SIK3: variants seen among roughly 807,000 people sequenced by gnomAD.
SIK3 encodes the protein serine/threonine-protein kinase SIK3.
Under a neutral mutation model 144.2 loss-of-function variants are expected in SIK3, and 28 were observed. That is an observed-to-expected ratio of 0.19 (90% confidence interval 0.14 to 0.27). The LOEUF is 0.27. Among genes scored for constraint, SIK3 ranks in the 10% least tolerant of loss-of-function variants. The probability of loss-of-function intolerance (pLI) is 1.00; values close to 1 mark genes in which losing one functional copy is unlikely to be tolerated. For missense variants in SIK3, 1,319 were observed against 1,776.0 expected, an observed-to-expected ratio of 0.74 and a Z score of 4.62; for synonymous variants, 686 against 676.3, an observed-to-expected ratio of 1.01 and a Z score of -0.22.
chr11:116,990,236 A>G (rs927633765), intron 1 of SIK3, among the ~76,000 whole-genome samples: 1 of 152,236 alleles, frequency 6.6e-6, no homozygotes, highest in African/African-American at 2.4e-5. Flanking sequence ...GCAAGTCTGC[A>G]CTAAGTCTAC....
At chr11:116,848,925 T>C (rs1282776480) in intron 22 of SIK3, among the ~76,000 whole-genome samples, 195 bp downstream of exon 22, 2 of 152,180 alleles carry the variant, frequency 1.3e-5, no homozygotes, top group African/African-American at 2.4e-5. Context: ...ATCGCGCCAC[T>C]GTCCTCCCGC....
intron 2 of SIK3, 69 bp downstream of exon 2, chr11:116,956,874 ATTTCT>A: frequency 1.1e-6 from 1 of 880,210 alleles, no homozygotes; most frequent in Middle Eastern, 2.4e-4. Context: ...ACCCACCCAC[ATTTCT>A]TCAAAGGGAG....
chr11:117,093,333 C>T (rs116022874), intron 1 of SIK3, among the ~76,000 whole-genome samples: 1,525 of 152,224 alleles, frequency 0.01, 27 homozygotes, highest in African/African-American at 0.036. Context: ...TGCACTAAAC[C>T]ACACCGATGT....
intron 1 of SIK3, among the ~76,000 whole-genome samples, chr11:117,000,096 T>C (rs1175757144): frequency 2.6e-5 from 4 of 152,186 alleles, no homozygotes; most frequent in African/African-American, 9.7e-5. Flanking sequence ...ATAGTTATAA[T>C]TTTTTTCATT....
Position 116,996,819 on chromosome 11 carries a change from CAAAAAAAA to C in SIK3, c.274-39763_274-39756del, listed in dbSNP as rs11329513. ...TGGGCGCCAGAGGGAGACTCTCTCT[CAAAAAAAA>C]AAAAAAAAAAAAAAAAAAAAGACAT... On this transcript the variant is annotated intron_variant, in intron 1 of 24. Coordinates refer to ENST00000445177, the MANE Select transcript of SIK3 (RefSeq NM_001366686.3). Among the ~76,000 whole-genome samples, 43 of 58,404 alleles carry C rather than the reference CAAAAAAAA, an allele frequency of 7.4e-4. 1 individual carries two copies. Among genetic ancestry groups the C allele is most frequent in the Non-Finnish European group, 8.9e-4 (28 of 31,478 alleles). The allele number at this position is 58,404 out of a possible 152,430, so 38.3% of individuals were successfully genotyped here. A position where few individuals can be genotyped will look rare whatever the true frequency, so the allele number is the denominator to read the frequency against.
rs138085837 is a variant in SIK3, at chr11:116,902,055, A to T, written c.617-4738T>A. On this transcript the variant is annotated intron_variant, in intron 4 of 24. Coordinates refer to ENST00000445177, the MANE Select transcript of SIK3 (RefSeq NM_001366686.3). ...CTTCACCAGGTCCTTTTCCATGATC[A>T]GCCTTCCTCTTCTCTCCAGTGCAGA... Among the ~76,000 whole-genome samples the T allele has an allele frequency of 2.0e-5, 3 of 152,342 alleles. No individual in the cohort carries two copies. In the East Asian group the frequency reaches 5.8e-4, roughly 29 times the overall value.
intron 3 of SIK3, among the ~76,000 whole-genome samples, chr11:116,938,923 T>A (rs1283549580): frequency 6.6e-6 from 1 of 152,166 alleles, no homozygotes; most frequent in Non-Finnish European, 1.5e-5. Context: ...ATAATTATGT[T>A]ACAAAATAGA....
intron 1 of SIK3, among the ~76,000 whole-genome samples, chr11:116,983,566 G>A (rs1376740450): frequency 1.3e-5 from 2 of 152,024 alleles, no homozygotes; most frequent in African/African-American, 4.8e-5. Flanking sequence ...GAATACATCT[G>A]TATTTTAATA....
chr11:117,075,708 A>T (rs1412390530), intron 1 of SIK3, among the ~76,000 whole-genome samples: 2 of 146,938 alleles, frequency 1.4e-5, no homozygotes, highest in Non-Finnish European at 1.5e-5. Flanking sequence ...CACCTGGCTA[A>T]TTTTTTTTTT....
At chr11:117,049,961 TAA>T (rs57279331) in intron 1 of SIK3, among the ~76,000 whole-genome samples, 3 of 149,220 alleles carry the variant, frequency 2.0e-5, no homozygotes, top group African/African-American at 7.4e-5. Flanking sequence ...ACCTGTCTCT[TAA>T]AAAAAAAATA....
intron 4 of SIK3, among the ~76,000 whole-genome samples, chr11:116,903,706 T>G (rs1182011907): frequency 6.6e-6 from 1 of 152,176 alleles, no homozygotes; most frequent in East Asian, 1.9e-4. Context: ...CTCAGCCTCC[T>G]AAGTAGCTGG....
intron 4 of SIK3, among the ~76,000 whole-genome samples, chr11:116,898,959 G>C (rs1945587836): frequency 1.4e-5 from 2 of 144,234 alleles, no homozygotes; most frequent in Non-Finnish European, 1.5e-5. Flanking sequence ...TTGCTGTGCA[G>C]AAGCTCTTTA....
chr11:117,012,438 A>C (rs1383220007), intron 1 of SIK3, among the ~76,000 whole-genome samples: 1 of 152,182 alleles, frequency 6.6e-6, no homozygotes, highest in Non-Finnish European at 1.5e-5. Flanking sequence ...AACTTTTCCA[A>C]AGCTGTATTT....
intron 19 of SIK3, 112 bp downstream of exon 19, chr11:116,861,162 T>C (rs1294968600): frequency 2.3e-6 from 2 of 863,354 alleles, no homozygotes; most frequent in Middle Eastern, 2.4e-4. Context: ...TCCATACCCC[T>C]GAATACTATG....
At chr11:116,999,750 C>T (rs1187996701) in intron 1 of SIK3, among the ~76,000 whole-genome samples, 1 of 152,120 alleles carries the variant, frequency 6.6e-6, no homozygotes, top group Non-Finnish European at 1.5e-5. Flanking sequence ...TCTCCCTCTT[C>T]TAAACAACAT....
chr11:116,919,123 T>G (rs931089019), intron 4 of SIK3, among the ~76,000 whole-genome samples: 42 of 152,314 alleles, frequency 2.8e-4, no homozygotes, highest in Admixed American at 2.4e-3. Flanking sequence ...ATTGATATAA[T>G]GAGTATTGCA....
At chr11:116,995,645 C>T (rs1033786992) in intron 1 of SIK3, among the ~76,000 whole-genome samples, 18 of 152,104 alleles carry the variant, frequency 1.2e-4, no homozygotes, top group African/African-American at 3.6e-4. Context: ...ATATTCTAAT[C>T]GTCTAGTGAT....
At chr11:116,914,678 G>C (rs902047901) in intron 4 of SIK3, among the ~76,000 whole-genome samples, 1 of 152,200 alleles carries the variant, frequency 6.6e-6, no homozygotes, top group South Asian at 2.1e-4. Flanking sequence ...AAAAGTTCCA[G>C]AGGGGCAATT....
chr11:116,980,394 C>T (rs1950096979), intron 1 of SIK3, among the ~76,000 whole-genome samples: 1 of 152,194 alleles, frequency 6.6e-6, no homozygotes, highest in Middle Eastern at 3.2e-3. Flanking sequence ...TGGCTTCACA[C>T]TGCTAAAAGC....
Sources: gnomAD v4.1 joint callset for allele counts (sites outside exome capture counted in the v4.1 genomes callset) on GRCh38, gnomAD v4.1.1 for gene constraint, MANE v1.5 for transcripts, NCBI Gene and HGNC (gene_info 2026-07-23, HGNC 2026-07-21) for gene names.